LIG1: variants seen among roughly 807,000 people sequenced by gnomAD.
LIG1 encodes the protein ligase I, DNA, ATP-dependent.
In LIG1, 70 loss-of-function variants were observed where a neutral mutation model predicts 115.7. That is an observed-to-expected ratio of 0.60 (90% CI 0.50 to 0.74). The LOEUF (loss-of-function observed/expected upper bound fraction) is 0.74. LIG1 is among the 30% of genes least tolerant of loss of function. The probability of loss-of-function intolerance (pLI) is 0.00; values close to 1 mark genes in which losing one functional copy is unlikely to be tolerated. For synonymous variants in LIG1, 487 were observed against 495.3 expected (o/e 0.98, Z 0.22); for missense variants, 1,115 against 1,225.6 (o/e 0.91, Z 1.35).
intron 9 of LIG1, 54 bp from the exon 10 acceptor site, chr19:48,144,017 T>G: frequency 7.3e-7 from 1 of 1,367,708 alleles, no homozygotes; most frequent in Admixed American, 1.7e-5. Context: ...CAAAGCAAAG[T>G]CATTCCTTCC....
intron 23 of LIG1, 60 bp from the exon 24 acceptor site, chr19:48,121,382 C>T (rs1035956257): frequency 1.7e-5 from 25 of 1,471,992 alleles, no homozygotes; most frequent in Admixed American, 4.5e-5. Flanking sequence ...GCCCTCACTG[C>T]TGGGGAGGGG....
rs558622848 is a variant in LIG1 at position 48,115,453 on chromosome 19, C to T, written c.*196G>A. On this transcript the variant is annotated 3_prime_UTR_variant, in exon 28 of 28. Coordinates refer to ENST00000263274, the MANE Select transcript of LIG1 (RefSeq NM_000234.3). ...CAGACCCTGTCACAAAGTAGCTATC[C>T]AATAATTATTTATTGAAAGAAATGA... The T allele has an allele frequency of 2.0e-5, 12 of 611,202 alleles. No individual in the cohort carries two copies. The highest frequency in any genetic ancestry group is 1.1e-4 in the African/African-American group (6 of 54,798). The allele number at this position is 611,202 out of a possible 1,614,324, so 37.9% of individuals were successfully genotyped here. A position where few individuals can be genotyped will look rare whatever the true frequency, so the allele number is the denominator to read the frequency against.
intron 9 of LIG1, 83 bp downstream of exon 9, chr19:48,149,680 G>T: frequency 1.9e-6 from 2 of 1,076,570 alleles, no homozygotes; most frequent in Non-Finnish European, 1.4e-6. Context: ...AGAGGAGGAA[G>T]CCTGAGCTGG....
At chr19:48,161,658 A>T in intron 3 of LIG1, 151 bp from the exon 4 acceptor site, 1 of 894,162 alleles carries the variant, frequency 1.1e-6, no homozygotes, top group Non-Finnish European at 1.7e-6. Flanking sequence ...AGCAAATCTC[A>T]TCATTTCATC....
rs1013705076 is a variant in LIG1, at chr19:48,135,673, C to T, written c.1523+7G>A. The T allele has an allele frequency of 6.2e-7, 1 of 1,612,606 alleles. No homozygotes were observed. Among genetic ancestry groups the T allele is most frequent in the African/African-American group, 1.3e-5 (1 of 75,002 alleles). On this transcript the variant is annotated splice_region_variant and intron_variant, in intron 16 of 27. Transcript: ENST00000263274. Reference sequence around the variant, plus strand: ...CCTGGCAACTCCACCCACTGCCCAGCTCTCACCAGAACGTCTGCTTCAGGA... The same window carrying T: ...CCTGGCAACTCCACCCACTGCCCAGTTCTCACCAGAACGTCTGCTTCAGGA...
intron 4 of LIG1, among the ~76,000 whole-genome samples, chr19:48,159,442 C>T (rs1018984005): frequency 6.6e-6 from 1 of 152,204 alleles, no homozygotes; most frequent in African/African-American, 2.4e-5. Context: ...CTTCCTAGCT[C>T]CCCAGAAGCC....
chr19:48,139,373 G>C (rs1055549713), intron 12 of LIG1, among the ~76,000 whole-genome samples: 1 of 152,174 alleles, frequency 6.6e-6, no homozygotes, highest in Non-Finnish European at 1.5e-5. Context: ...TCCACTGTCT[G>C]CCAGATCTCT....
At chr19:48,119,524 C>G (rs558488325) in intron 24 of LIG1, among the ~76,000 whole-genome samples, 2 of 146,760 alleles carry the variant, frequency 1.4e-5, no homozygotes, top group African/African-American at 5.0e-5. Context: ...GTCCTCACTT[C>G]CAGTCTTTTT....
At chr19:48,127,431 G>C in intron 20 of LIG1, 83 bp from the exon 21 acceptor site, 1 of 1,238,574 alleles carries the variant, frequency 8.1e-7, no homozygotes, top group Admixed American at 1.8e-5. Flanking sequence ...TTCATCTACC[G>C]GTCTCCCTCT....
At chr19:48,127,501 G>A (rs2033749419) in intron 20 of LIG1, 153 bp from the exon 21 acceptor site, 1 of 708,734 alleles carries the variant, frequency 1.4e-6, no homozygotes. Context: ...TCCAGGTGCT[G>A]GATCGTTAAC....
At chr19:48,135,947 A>T in intron 15 of LIG1, 87 bp downstream of exon 15, 1 of 824,356 alleles carries the variant, frequency 1.2e-6, no homozygotes, top group Non-Finnish European at 1.7e-6. Flanking sequence ...CCCGCTGGGG[A>T]AGGGGCGGGC....
chr19:48,127,124 C>T (rs938904511), intron 21 of LIG1, 153 bp downstream of exon 21: 2 of 701,456 alleles, frequency 2.9e-6, no homozygotes, highest in African/African-American at 1.7e-5. Context: ...CCTCAGGGGT[C>T]CTCAGACCAC....
Position 48,115,604 on chromosome 19 carries a change from C to A in LIG1, c.*45G>T. ...GCAAAGGCAATAATAACCCTGGGGT[C>A]CGTCCAACTCATGCCCTGTACCCAG... On this transcript the variant is annotated 3_prime_UTR_variant, in exon 28 of 28. Transcript: ENST00000263274. 1 of 1,392,140 alleles carries A rather than the reference C, an allele frequency of 7.2e-7. No individual in the cohort carries two copies. Among genetic ancestry groups the A allele is most frequent in the Non-Finnish European group, 1.0e-6 (1 of 978,222 alleles). The allele number at this position is 1,392,140 out of a possible 1,614,324, so 86.2% of individuals were successfully genotyped here. A position where few individuals can be genotyped will look rare whatever the true frequency, so the allele number is the denominator to read the frequency against.
intron 9 of LIG1, 82 bp downstream of exon 9, chr19:48,149,681 C>G (rs559721640): frequency 5.5e-6 from 6 of 1,094,448 alleles, no homozygotes; most frequent in South Asian, 2.6e-5. Context: ...GAGGAGGAAG[C>G]CTGAGCTGGG....
At chr19:48,131,265 C>T in intron 18 of LIG1, 94 bp from the exon 19 acceptor site, 1 of 860,278 alleles carries the variant, frequency 1.2e-6, no homozygotes, top group Non-Finnish European at 1.9e-6. Context: ...GTAGAAGGTT[C>T]TGGAAGCTCT....
At chr19:48,168,924 T>C (rs1053860225) in intron 1 of LIG1, among the ~76,000 whole-genome samples, 2 of 152,158 alleles carry the variant, frequency 1.3e-5, no homozygotes, top group Non-Finnish European at 2.9e-5. Context: ...TTGTACACTT[T>C]AAATGGGCAA....
rs749929415 is a variant in LIG1 at position 48,137,617 on chromosome 19, G to A, written c.1159C>T (p.Arg387Cys). The change falls in exon 13 of 28, where the codon CGC (arginine) becomes TGC (cysteine). Residue 387 changes from arginine (R) to cysteine (C), a missense_variant. Transcript: ENST00000263274. This position sits in a 1 kb window ranked among gnomAD's most constrained non-coding sequence, Gnocchi z 4.3. ...GDVGLVAENS[R>C]STQRLMLPPP... ...GGCAGCATGAGCCTCTGGGTGCTGC[G>A]GCTGTTCTCGGCCACCAGCCCCACG... is the stretch of plus-strand genomic sequence containing the variant. The A allele has an allele frequency of 2.8e-5, 45 of 1,611,864 alleles. No homozygotes were observed. Among genetic ancestry groups the A allele is most frequent in the African/African-American group, 4.0e-5 (3 of 74,932 alleles).
At chr19:48,166,134 C>T (rs890313150) in intron 1 of LIG1, among the ~76,000 whole-genome samples, 6 of 152,172 alleles carry the variant, frequency 3.9e-5, no homozygotes, top group African/African-American at 1.4e-4. Context: ...CAGTAGCTCA[C>T]GCCTGTCATC....
At position 48,139,992 on chromosome 19, in the gene LIG1, T is replaced by G; in HGVS notation, c.1066A>C (p.Lys356Gln). The part of the protein sequence containing the change: ...ELGVGDGVLL[K>Q]AVAQATGRQL... ...TTACCTGTGGCCTGGGCCACTGCCTTGAGAAGGACACCATCACCCACGCCA... is the reference window on the plus strand; with the variant it reads ...TTACCTGTGGCCTGGGCCACTGCCTGGAGAAGGACACCATCACCCACGCCA... Residue 356 changes from lysine to glutamine, a missense_variant, in exon 12 of 28, where the codon AAG (lysine) becomes CAG (glutamine). By Grantham distance (53) the Lys-to-Gln change is moderately conservative (BLOSUM62 1). Coordinates refer to ENST00000263274, the MANE Select transcript of LIG1 (RefSeq NM_000234.3). The G allele has an allele frequency of 4.3e-6, 7 of 1,614,058 alleles. No individual in the cohort carries two copies. Among genetic ancestry groups the G allele is most frequent in the Non-Finnish European group, 5.9e-6 (7 of 1,180,004 alleles).
Sources: gnomAD v4.1 joint callset for allele counts (sites outside exome capture counted in the v4.1 genomes callset) on GRCh38, gnomAD v4.1.1 for gene constraint, Gnocchi (gnomAD v3.1) non-coding constraint, MANE v1.5 for transcripts, NCBI Gene and HGNC (gene_info 2026-07-23, HGNC 2026-07-21) for gene names.